DDX19A: variants seen among roughly 807,000 people sequenced by gnomAD.
DDX19A encodes DEAD-box helicase 19A.
A neutral mutation model predicts 60.6 loss-of-function variants in DDX19A; 12 were observed. That is an observed-to-expected ratio of 0.20 (90% CI 0.13 to 0.32). The LOEUF (loss-of-function observed/expected upper bound fraction) is 0.32, where lower values mean the gene tolerates loss of function less well. DDX19A is among the 10% of genes least tolerant of loss of function. The pLI, the probability that DDX19A is intolerant of heterozygous loss-of-function variation, is 1.00. For synonymous variants in DDX19A, 206 were observed against 218.2 expected, an observed-to-expected ratio of 0.94 and a Z score of 0.49; for missense variants, 337 against 600.6, an observed-to-expected ratio of 0.56 and a Z score of 4.59.
chr16:70,367,887 A>C (rs1964566383), intron 9 of DDX19A, among the ~76,000 whole-genome samples: 1 of 151,932 alleles, frequency 6.6e-6, no homozygotes, highest in Non-Finnish European at 1.5e-5. Flanking sequence ...AAAAAAAAAA[A>C]AAAAGAGGCC....
chr16:70,365,570 T>C, intron 7 of DDX19A: 1 of 194,934 alleles, frequency 5.1e-6, no homozygotes, highest in South Asian at 8.4e-5. Context: ...GAGGACTGCT[T>C]GAGCACATGG....
At chr16:70,358,723 T>G (rs1453779073) in intron 4 of DDX19A, among the ~76,000 whole-genome samples, 1 of 152,038 alleles carries the variant, frequency 6.6e-6, no homozygotes, top group African/African-American at 2.4e-5. Flanking sequence ...GCACATGGCT[T>G]GTAGTCCCGG....
chr16:70,347,266 A>G (rs1214363770), intron 1 of DDX19A: 2 of 580,850 alleles, frequency 3.4e-6, no homozygotes, highest in Non-Finnish European at 6.2e-6. Flanking sequence ...ATCCTTTGGT[A>G]AATCCGCCCC....
intron 1 of DDX19A, chr16:70,347,283 C>T (rs1247743350): frequency 5.3e-6 from 3 of 571,272 alleles, no homozygotes; most frequent in East Asian, 5.8e-5. Context: ...CCCCACTATG[C>T]ATGCTGTCAT....
rs563953276 is a variant in DDX19A at position 70,350,909 on chromosome 16, G to A, written c.106+304G>A. ...TTTATTTATTTTGAGACGGAGTCTCGCTCTGTCGCCCAGGCTGGAGTGCAG... is the reference window on the plus strand; with the variant it reads ...TTTATTTATTTTGAGACGGAGTCTCACTCTGTCGCCCAGGCTGGAGTGCAG... On this transcript the variant is annotated intron_variant, in intron 2 of 11. Coordinates refer to ENST00000302243, the MANE Select transcript of DDX19A (RefSeq NM_018332.5). Among the ~76,000 whole-genome samples, 540 of 150,588 alleles carry A rather than the reference G, an allele frequency of 3.6e-3. 7 individuals carry two copies. Among genetic ancestry groups the A allele is most frequent in the African/African-American group, 0.012 (478 of 41,096 alleles).
At position 70,366,607 on chromosome 16, in the gene DDX19A, C is replaced by T. The variant is rs201935192; in HGVS notation, c.783-17C>T. 4.8e-4 allele frequency: 769 copies of T among 1,614,040 alleles called. No individual in the cohort carries two copies. Among genetic ancestry groups the T allele is most frequent in the South Asian group, 8.5e-4 (77 of 91,076 alleles). ...CCAGGGCCACCTGGGGCCATCTACC[C>T]GGGCCTTCCCTTGCAGGATGCTGCC... On this transcript the variant is annotated splice_polypyrimidine_tract_variant and intron_variant, in intron 8 of 11. Coordinates refer to ENST00000302243, the MANE Select transcript of DDX19A (RefSeq NM_018332.5).
chr16:70,346,927 T>G lies in DDX19A; in HGVS notation c.-65T>G, dbSNP rs1370251244. Reference sequence around the variant, plus strand: ...TGCATTCTCGCGCCGGTGGCGAGGTTAGGGCCCGCGTTGCGACGTGGTGCA... The same window carrying G: ...TGCATTCTCGCGCCGGTGGCGAGGTGAGGGCCCGCGTTGCGACGTGGTGCA... On this transcript the variant is annotated 5_prime_UTR_variant, in exon 1 of 12. Coordinates refer to ENST00000302243, the MANE Select transcript of DDX19A (RefSeq NM_018332.5). 1.3e-6 allele frequency: 2 copies of G among 1,533,340 alleles called. No individual in the cohort carries two copies. Among genetic ancestry groups the G allele is most frequent in the Non-Finnish European group, 1.8e-6 (2 of 1,126,220 alleles). The allele number at this position is 1,533,340 out of a possible 1,614,324, so 95.0% of individuals were successfully genotyped here.
At chr16:70,359,392 G>A (rs1024007667) in intron 4 of DDX19A, among the ~76,000 whole-genome samples, 15 of 152,276 alleles carry the variant, frequency 9.9e-5, no homozygotes, top group African/African-American at 3.1e-4. Context: ...CTTTTAGAGA[G>A]CCTGCTAAAC....
At chr16:70,370,583 A>C in intron 10 of DDX19A, 198 bp downstream of exon 10, 139 of 843,754 alleles carry the variant, frequency 1.6e-4, no homozygotes, top group Non-Finnish European at 2.1e-4. Context: ...GCGGTGGCTC[A>C]TGCCTGCAAT....
At chr16:70,366,530 T>G (rs1964524935) in intron 8 of DDX19A, 94 bp from the exon 9 acceptor site, 1 of 1,537,356 alleles carries the variant, frequency 6.5e-7, no homozygotes, top group Admixed American at 1.8e-5. Context: ...CCCATCAGCC[T>G]TCCTGGGCAT....
intron 2 of DDX19A, among the ~76,000 whole-genome samples, chr16:70,352,283 CT>C (rs58812314): frequency 0.013 from 1,701 of 135,290 alleles, 17 homozygotes; most frequent in African/African-American, 0.039. Context: ...TCATCCATGT[CT>C]TTTTTTTTTT....
chr16:70,359,875 C>T (rs1019485331), intron 4 of DDX19A, among the ~76,000 whole-genome samples: 1 of 152,024 alleles, frequency 6.6e-6, no homozygotes, highest in African/African-American at 2.4e-5. Flanking sequence ...TAGTGTTTGT[C>T]TGTTTATTTT....
At chr16:70,366,947 G>A (rs1218455772) in intron 9 of DDX19A, 86 bp downstream of exon 9, 56 of 1,499,492 alleles carry the variant, frequency 3.7e-5, no homozygotes, top group Middle Eastern at 1.9e-4. Context: ...GCCCCTGAGC[G>A]CCATGGAAAG....
At position 70,371,915 on chromosome 16, in the gene DDX19A, T is replaced by C. The variant is rs374024492; in HGVS notation, c.1376-10T>C. 9.7e-5 allele frequency: 157 copies of C among 1,613,968 alleles called. No homozygotes were observed. In the African/African-American group the frequency reaches 1.9e-3, roughly 20 times the overall value. ...TGGGCAGGGTAGAGACTTGTGTATC[T>C]TTCCCCCAGATAAGAAGATAGAAAG... On this transcript the variant is annotated splice_polypyrimidine_tract_variant and intron_variant, in intron 11 of 11. Transcript: ENST00000302243.
chr16:70,349,082 C>T (rs1194002763), intron 1 of DDX19A, among the ~76,000 whole-genome samples: 1 of 152,138 alleles, frequency 6.6e-6, no homozygotes, highest in Non-Finnish European at 1.5e-5. Flanking sequence ...CTCACAGGCT[C>T]AGTATGTAGT....
chr16:70,351,448 C>G (rs1434784304), intron 2 of DDX19A, among the ~76,000 whole-genome samples: 5 of 151,960 alleles, frequency 3.3e-5, no homozygotes, highest in Non-Finnish European at 7.4e-5. Flanking sequence ...CTCAAGCGAT[C>G]TGCCTGCCTC....
intron 4 of DDX19A, among the ~76,000 whole-genome samples, chr16:70,360,466 G>A (rs1282466483): frequency 1.3e-5 from 2 of 151,644 alleles, no homozygotes; most frequent in Non-Finnish European, 2.9e-5. Context: ...GACTACAGGT[G>A]CATGCCACCA....
At chr16:70,357,290 T>C (rs1378225140) in intron 4 of DDX19A, among the ~76,000 whole-genome samples, 4 of 146,192 alleles carry the variant, frequency 2.7e-5, no homozygotes, top group Admixed American at 6.9e-5. Context: ...TATATATATG[T>C]ATATTTAGAC....
At chr16:70,350,422 G>A (rs1963975504) in intron 1 of DDX19A, 135 bp from the exon 2 acceptor site, 2 of 559,254 alleles carry the variant, frequency 3.6e-6, no homozygotes, top group East Asian at 6.1e-5. Flanking sequence ...TCTACTTTGA[G>A]GGAACAAACC....
Sources: gnomAD v4.1 joint callset for allele counts (sites outside exome capture counted in the v4.1 genomes callset) on GRCh38, gnomAD v4.1.1 for gene constraint, MANE v1.5 for transcripts, NCBI Gene and HGNC (gene_info 2026-07-23, HGNC 2026-07-21) for gene names.